SLC17A9: variants seen among roughly 807,000 people sequenced by gnomAD.
SLC17A9 encodes voltage-gated purine nucleotide uniporter SLC17A9.
SLC17A9 carries 49 observed loss-of-function variants against 55.0 expected under a neutral mutation model. The ratio of observed to expected loss-of-function variants is 0.89; its 90% confidence interval spans 0.71 to 1.13. The LOEUF (loss-of-function observed/expected upper bound fraction) is 1.13, where lower values mean the gene tolerates loss of function less well. Ranked by LOEUF, SLC17A9 falls within the 50% of genes most tolerant of loss-of-function variation. The pLI, the probability that SLC17A9 is intolerant of heterozygous loss-of-function variation, is 0.00. For synonymous variants in SLC17A9, 256 were observed against 247.4 expected (o/e 1.03, Z -0.32); for missense variants, 526 against 569.3 (o/e 0.92, Z 0.77).
chr20:62,963,026 CTT>C, intron 5 of SLC17A9: 1 of 636,698 alleles, frequency 1.6e-6, no homozygotes, highest in South Asian at 1.9e-5. Flanking sequence ...GCAGCCGAGT[CTT>C]TGGGTGGCCA....
At chr20:62,966,989 C>T (rs756751172) in intron 12 of SLC17A9, 10 of 585,710 alleles carry the variant, frequency 1.7e-5, no homozygotes, top group Non-Finnish European at 3.0e-5. Flanking sequence ...GCCCAGGGTC[C>T]CCGGGACACC....
chr20:62,953,491 G>A (rs1013749883), intron 1 of SLC17A9, among the ~76,000 whole-genome samples: 2 of 152,222 alleles, frequency 1.3e-5, no homozygotes, highest in Non-Finnish European at 2.9e-5. Flanking sequence ...GGGCGAGATG[G>A]TGACCGCGGG....
At chr20:62,954,672 C>G (rs2147642758) in intron 1 of SLC17A9, among the ~76,000 whole-genome samples, 1 of 152,344 alleles carries the variant, frequency 6.6e-6, no homozygotes, top group South Asian at 2.1e-4. Flanking sequence ...GCCTGACATC[C>G]TTGTCTCCCC....
intron 4 of SLC17A9, among the ~76,000 whole-genome samples, chr20:62,960,955 C>CAGG (rs2147653198): frequency 6.6e-6 from 1 of 152,376 alleles, no homozygotes; most frequent in South Asian, 2.1e-4. Context: ...CCACCCTCGA[C>CAGG]AGGAGAGTCT....
chr20:62,957,279 C>G (rs1447074259), intron 2 of SLC17A9, 162 bp from the exon 3 acceptor site: 2 of 985,256 alleles, frequency 2.0e-6, no homozygotes, highest in Non-Finnish European at 2.4e-6. Context: ...CCCTGGAGTA[C>G]CTGGTCTCCT....
intron 2 of SLC17A9, 104 bp from the exon 3 acceptor site, chr20:62,957,337 G>T (rs2065545567): frequency 1.5e-5 from 22 of 1,499,466 alleles, no homozygotes; most frequent in Non-Finnish European, 1.9e-5. Context: ...AGGCAGACAG[G>T]CCAGGCCCAG....
chr20:62,963,828 T>C, intron 7 of SLC17A9, 148 bp downstream of exon 7: 1 of 729,832 alleles, frequency 1.4e-6, no homozygotes, highest in Non-Finnish European at 2.2e-6. Context: ...AGGCTCTTCC[T>C]CTGGAGAGGA....
rs1185903545 is a variant in SLC17A9, at chr20:62,968,476, G to C, written c.*976G>C. On this transcript the variant is annotated 3_prime_UTR_variant, in exon 13 of 13. Coordinates refer to ENST00000370351, the MANE Select transcript of SLC17A9 (RefSeq NM_022082.4). ...CTCCCTTTTCGTTGCCTGAGGAGCT[G>C]GTGGTTTCATGAGTTAATGATACAT... 6.6e-6 allele frequency: 1 copy of C among 152,232 alleles called. No individual in the cohort carries two copies. Among genetic ancestry groups the C allele is most frequent in the Non-Finnish European group, 1.5e-5 (1 of 68,048 alleles). 9.4% of individuals were successfully genotyped at this position (152,232 alleles called of 1,614,324 possible).
At chr20:62,959,040 A>ACGAAT (rs886497824) in intron 3 of SLC17A9, among the ~76,000 whole-genome samples, 2 of 152,196 alleles carry the variant, frequency 1.3e-5, no homozygotes, top group African/African-American at 4.8e-5. Context: ...GGAGGAATGA[A>ACGAAT]CGAATCGGCA....
Position 62,952,795 on chromosome 20 carries a change from C to T in SLC17A9, c.-36C>T. On this transcript the variant is annotated 5_prime_UTR_variant, in exon 1 of 13. Transcript: ENST00000370351. ...TGGGCTGGGAGGCAGCCCCGGGACA[C>T]AGCTGTGCCCACGCCGTCTGAGCAC... 6 of 1,533,062 alleles carry T rather than the reference C, an allele frequency of 3.9e-6. No homozygotes were observed. Among genetic ancestry groups the T allele is most frequent in the Non-Finnish European group, 5.2e-6 (6 of 1,144,544 alleles). 95.0% of individuals were successfully genotyped at this position (1,533,062 alleles called of 1,614,324 possible).
At chr20:62,953,118 C>T (rs1310811335) in intron 1 of SLC17A9, 27 of 1,467,484 alleles carry the variant, frequency 1.8e-5, no homozygotes, top group Non-Finnish European at 2.5e-5. Context: ...GTGCCCTATC[C>T]CAGCCAGTGT....
Position 62,957,496 on chromosome 20 carries a change from G to A in SLC17A9, c.313G>A (p.Ala105Thr). The change falls in exon 3 of 13, where the codon GCC (alanine) becomes ACC (threonine). Residue 105 changes from alanine to threonine, a missense_variant. Coordinates refer to ENST00000370351, the MANE Select transcript of SLC17A9 (RefSeq NM_022082.4). Reference protein sequence around the residue: ...LSASAWGSITAVTPLLAHLSS... With the variant: ...LSASAWGSITTVTPLLAHLSS... The stretch of plus-strand genomic sequence containing the variant: ...AGCCTCTGCCTGGGGCTCCATCACG[G>A]CCGTCACCCCACTGCTCGCCCACCT... 6.2e-7 allele frequency: 1 copy of A among 1,609,532 alleles called. No homozygotes were observed. The highest frequency in any genetic ancestry group is 8.5e-7 in the Non-Finnish European group (1 of 1,178,626).
At chr20:62,957,192 G>A (rs1247025008) in intron 2 of SLC17A9, 27 of 985,274 alleles carry the variant, frequency 2.7e-5, no homozygotes, top group Non-Finnish European at 3.3e-5. Flanking sequence ...CCCCCCAGAG[G>A]AAGATGGGAG....
At chr20:62,965,096 G>T in intron 8 of SLC17A9, 36 bp from the exon 9 acceptor site, 3 of 1,613,788 alleles carry the variant, frequency 1.9e-6, no homozygotes, top group Non-Finnish European at 2.5e-6. Flanking sequence ...GCACGAAAGG[G>T]CTAACGGGAG....
chr20:62,959,237 C>T (rs1411289678), intron 3 of SLC17A9, among the ~76,000 whole-genome samples: 1 of 152,194 alleles, frequency 6.6e-6, no homozygotes, highest in Non-Finnish European at 1.5e-5. Context: ...CTGGGGCAGG[C>T]GGCTGTCCTC....
intron 4 of SLC17A9, among the ~76,000 whole-genome samples, chr20:62,961,435 C>T (rs905262285): frequency 6.6e-6 from 1 of 152,168 alleles, no homozygotes; most frequent in Admixed American, 6.5e-5. Flanking sequence ...CCTCCCTGCG[C>T]CCGCTCCTTG....
chr20:62,966,380 G>A, intron 10 of SLC17A9, 145 bp from the exon 11 acceptor site: 1 of 835,078 alleles, frequency 1.2e-6, no homozygotes, highest in Non-Finnish European at 1.9e-6. Context: ...GGGCTGCAGT[G>A]CTCTGGCCAG....
In SLC17A9 at chr20:62,962,847, C is replaced by T. The variant is rs1187218814; in HGVS notation, c.628+93C>T. 9.1e-6 allele frequency: 14 copies of T among 1,530,186 alleles called. No homozygotes were observed. The highest frequency in any genetic ancestry group is 1.2e-5 in the Non-Finnish European group (14 of 1,134,186). The allele number at this position is 1,530,186 out of a possible 1,614,324, so 94.8% of individuals were successfully genotyped here. On this transcript the variant is annotated intron_variant, in intron 5 of 12. Coordinates refer to ENST00000370351, the MANE Select transcript of SLC17A9 (RefSeq NM_022082.4). The surrounding 1 kb of genome is among the most constrained non-coding windows in gnomAD (Gnocchi z 5.5). ...GCCGCTGAGCAGCCTGGAGCAGGAGCCCGGAGACGATGGCTTTGACCTCCC... is the reference window on the plus strand; with the variant it reads ...GCCGCTGAGCAGCCTGGAGCAGGAGTCCGGAGACGATGGCTTTGACCTCCC...
At chr20:62,966,629 T>C (rs2065642309) in intron 11 of SLC17A9, 49 bp downstream of exon 11, 1 of 1,613,582 alleles carries the variant, frequency 6.2e-7, no homozygotes. Context: ...GGCCTCCGGG[T>C]GGGTGAGCCA....
Sources: allele counts gnomAD v4.1 joint callset (sites outside exome capture counted in the v4.1 genomes callset), GRCh38; gene constraint gnomAD v4.1.1; non-coding constraint Gnocchi (gnomAD v3.1); transcripts MANE v1.5; gene names NCBI Gene and HGNC (gene_info 2026-07-23, HGNC 2026-07-21).